The following ZNF385D variants were observed in gnomAD, a reference collection of about 807,000 sequenced individuals.
ZNF385D encodes zinc finger protein 659.
ZNF385D carries 15 observed loss-of-function variants against 35.8 expected under a neutral mutation model. That is an observed-to-expected ratio of 0.42 (90% CI 0.28 to 0.64). ZNF385D has a LOEUF of 0.64. Among genes scored for constraint, ZNF385D ranks in the 30% least tolerant of loss-of-function variants. The probability of loss-of-function intolerance (pLI) is 0.23; values close to 1 mark genes in which losing one functional copy is unlikely to be tolerated. For synonymous variants in ZNF385D, 212 were observed against 186.8 expected (o/e 1.13, Z -1.10); for missense variants, 474 against 494.6 (o/e 0.96, Z 0.39).
intron 3 of ZNF385D, among the ~76,000 whole-genome samples, chr3:21,889,110 A>G (rs949759461): frequency 2.0e-5 from 3 of 152,214 alleles, no homozygotes; most frequent in African/African-American, 7.2e-5. Context: ...GGGGATGCAG[A>G]GGGCAAACAA....
intron 3 of ZNF385D, among the ~76,000 whole-genome samples, chr3:21,953,472 G>A (rs1042045967): frequency 6.6e-6 from 1 of 151,820 alleles, no homozygotes; most frequent in African/African-American, 2.4e-5. Context: ...TATAATTTCA[G>A]CAAGATTAAA....
chr3:21,943,945 C>T (rs1008018694), intron 3 of ZNF385D, among the ~76,000 whole-genome samples: 2 of 152,056 alleles, frequency 1.3e-5, no homozygotes, highest in Non-Finnish European at 1.5e-5. Context: ...AGTTCAGTAA[C>T]GATAATTTTA....
chr3:21,547,625 T>G (rs57852338), intron 3 of ZNF385D, among the ~76,000 whole-genome samples: 3,336 of 151,710 alleles, frequency 0.022, 97 homozygotes, highest in African/African-American at 0.065. Context: ...GTTTTGTTTT[T>G]TTTTTTTTGA....
At chr3:21,947,155 T>C (rs961053949) in intron 3 of ZNF385D, among the ~76,000 whole-genome samples, 1 of 152,204 alleles carries the variant, frequency 6.6e-6, no homozygotes, top group African/African-American at 2.4e-5. Context: ...AATATACCAC[T>C]TGGATATAAG....
intron 3 of ZNF385D, among the ~76,000 whole-genome samples, chr3:21,832,144 G>A (rs936808270): frequency 2.0e-5 from 3 of 151,750 alleles, no homozygotes; most frequent in African/African-American, 7.3e-5. Context: ...CTTTTTATTT[G>A]TAACAAATTT....
chr3:21,816,471 C>T (rs888202132), intron 3 of ZNF385D, among the ~76,000 whole-genome samples: 1 of 152,168 alleles, frequency 6.6e-6, no homozygotes, highest in Non-Finnish European at 1.5e-5. Flanking sequence ...TGTTAAGCAA[C>T]TTCAGCAAAG....
At chr3:22,039,933 G>A (rs980392569) in intron 3 of ZNF385D, among the ~76,000 whole-genome samples, 5 of 152,246 alleles carry the variant, frequency 3.3e-5, no homozygotes, top group Non-Finnish European at 7.4e-5. Context: ...ACTTTGAATT[G>A]GATGTAGCCA....
At chr3:21,758,643 A>G (rs537961272) in intron 3 of ZNF385D, among the ~76,000 whole-genome samples, 3 of 152,186 alleles carry the variant, frequency 2.0e-5, no homozygotes, top group African/African-American at 4.8e-5. Context: ...TTGTTTGTAC[A>G]TTTGCCCTGA....
At chr3:22,064,445 C>A (rs1351694649) in intron 3 of ZNF385D, among the ~76,000 whole-genome samples, 1 of 152,044 alleles carries the variant, frequency 6.6e-6, no homozygotes, top group African/African-American at 2.4e-5. Context: ...GATATATACC[C>A]CAAAAAATTA....
intron 3 of ZNF385D, among the ~76,000 whole-genome samples, chr3:21,890,864 A>C (rs1052192982): frequency 1.3e-5 from 2 of 152,180 alleles, no homozygotes; most frequent in African/African-American, 4.8e-5. Flanking sequence ...ATGAACTTTC[A>C]GTGGTTTCAA....
At chr3:21,519,292 T>C (rs1348077321) in intron 3 of ZNF385D, among the ~76,000 whole-genome samples, 1 of 152,162 alleles carries the variant, frequency 6.6e-6, no homozygotes, top group Admixed American at 6.6e-5. Flanking sequence ...GAAAGTACTT[T>C]GTCACTAAGT....
intron 2 of ZNF385D, among the ~76,000 whole-genome samples, chr3:21,628,474 G>T (rs1462908972): frequency 1.3e-5 from 2 of 151,590 alleles, no homozygotes; most frequent in Middle Eastern, 3.4e-3. Context: ...TGGAGAAAAA[G>T]GATTTGTAGT....
intron 3 of ZNF385D, among the ~76,000 whole-genome samples, chr3:21,760,420 C>T (rs549412062): frequency 6.6e-6 from 1 of 152,210 alleles, no homozygotes; most frequent in South Asian, 2.1e-4. Flanking sequence ...CCCATAGCCT[C>T]TTATAAAGTA....
chr3:22,338,653 T>C (rs574893279), intron 2 of ZNF385D, among the ~76,000 whole-genome samples: 1 of 151,434 alleles, frequency 6.6e-6, no homozygotes, highest in Non-Finnish European at 1.5e-5. Flanking sequence ...TTTGATATTA[T>C]AAATAAAAAA....
At chr3:21,981,544 G>A (rs1354819633) in intron 3 of ZNF385D, among the ~76,000 whole-genome samples, 1 of 152,050 alleles carries the variant, frequency 6.6e-6, no homozygotes, top group African/African-American at 2.4e-5. Flanking sequence ...TTCTTTTGCT[G>A]TGCAGATGCT....
At chr3:22,231,902 A>G (rs1390302563) in intron 2 of ZNF385D, among the ~76,000 whole-genome samples, 3 of 151,992 alleles carry the variant, frequency 2.0e-5, no homozygotes, top group African/African-American at 7.2e-5. Flanking sequence ...CTGGTTGTTT[A>G]AGAGTATATG....
At chr3:22,262,429 T>A (rs952992753) in intron 2 of ZNF385D, among the ~76,000 whole-genome samples, 1 of 151,980 alleles carries the variant, frequency 6.6e-6, no homozygotes, top group Non-Finnish European at 1.5e-5. Context: ...CATTGAGATA[T>A]TTTTTGCATA....
At chr3:21,672,196 A>C (rs2066596355) in intron 1 of ZNF385D, among the ~76,000 whole-genome samples, 1 of 152,170 alleles carries the variant, frequency 6.6e-6, no homozygotes, top group Non-Finnish European at 1.5e-5. Flanking sequence ...ACATATTTTG[A>C]CATAATATTT....
rs113788554 is a variant in ZNF385D, at chr3:21,628,831, A to C, written c.165+36055T>G. ...TAATGATAATAATAGCTAAATTTCTATAGCACTTACTATGTGCCAGTGACT... is the reference window on the plus strand; with the variant it reads ...TAATGATAATAATAGCTAAATTTCTCTAGCACTTACTATGTGCCAGTGACT... On this transcript the variant is annotated intron_variant, in intron 2 of 7. Coordinates refer to ENST00000281523, the MANE Select transcript of ZNF385D (RefSeq NM_024697.3). 1.2e-4 allele frequency among the ~76,000 whole-genome samples: 19 copies of C among 152,234 alleles called. No individual in the cohort carries two copies. In the South Asian group the frequency reaches 3.7e-3, roughly 30 times the overall value.
Sources: allele counts gnomAD v4.1 joint callset (sites outside exome capture counted in the v4.1 genomes callset), GRCh38; gene constraint gnomAD v4.1.1; transcripts MANE v1.5; gene names NCBI Gene and HGNC (gene_info 2026-07-23, HGNC 2026-07-21).